Variants in WWTR1 observed in about 807,000 individuals in gnomAD.
The protein encoded by WWTR1 is WW domain-containing transcription regulator protein 1.
Under a neutral mutation model 40.1 loss-of-function variants are expected in WWTR1, and 13 were observed. The observed-to-expected ratio is 0.32, with a 90% CI of 0.21 to 0.52. WWTR1 has a LOEUF of 0.52. WWTR1 is among the 20% of genes least tolerant of loss of function. WWTR1 has a pLI of 0.97. For missense variants in WWTR1, 436 were observed against 523.1 expected (o/e 0.83, Z 1.63); for synonymous variants, 230 against 210.1 (o/e 1.09, Z -0.82).
chr3:149,658,265 T>A (rs1002558128), upstream of WWTR1: 2 of 152,394 alleles, frequency 1.3e-5, no homozygotes, highest in African/African-American at 2.4e-5. Flanking sequence ...CGCGGACCTC[T>A]CCCGCTCAGA....
intron 3 of WWTR1, among the ~76,000 whole-genome samples, chr3:149,571,924 C>T (rs911800721): frequency 1.1e-4 from 16 of 152,070 alleles, no homozygotes; most frequent in Non-Finnish European, 1.9e-4. Context: ...TGACTGGTTC[C>T]GTTGCTGCAG....
chr3:149,610,414 C>T (rs2108066350), intron 2 of WWTR1, among the ~76,000 whole-genome samples: 1 of 152,324 alleles, frequency 6.6e-6, no homozygotes, highest in Non-Finnish European at 1.5e-5. Context: ...AAGGGTGTCT[C>T]TGTTCACTTA....
At chr3:149,536,467 A>G (rs1237186142) in intron 4 of WWTR1, among the ~76,000 whole-genome samples, 2 of 146,912 alleles carry the variant, frequency 1.4e-5, no homozygotes, top group South Asian at 2.1e-4. Flanking sequence ...TATTCTTTGC[A>G]TGACAAAAAA....
chr3:149,689,786 G>A (rs954594182), intron 1 of WWTR1, among the ~76,000 whole-genome samples: 3 of 152,102 alleles, frequency 2.0e-5, no homozygotes, highest in African/African-American at 7.2e-5. Flanking sequence ...AAACTCACTG[G>A]TAATAGTGAG....
At chr3:149,534,488 G>A (rs866350724) in intron 4 of WWTR1, among the ~76,000 whole-genome samples, 3 of 152,156 alleles carry the variant, frequency 2.0e-5, no homozygotes, top group Admixed American at 1.3e-4. Flanking sequence ...TGAAACAGCC[G>A]ATTTAACTTT....
chr3:149,627,365 A>T (rs927697913), intron 2 of WWTR1, among the ~76,000 whole-genome samples: 3 of 152,152 alleles, frequency 2.0e-5, no homozygotes, highest in African/African-American at 7.2e-5. Flanking sequence ...ATCAACCCTG[A>T]ATTTATGCTG....
chr3:149,537,976 G>A (rs1167625469), intron 4 of WWTR1, among the ~76,000 whole-genome samples: 1 of 151,606 alleles, frequency 6.6e-6, no homozygotes, highest in Non-Finnish European at 1.5e-5. Context: ...CTGGAGTGCA[G>A]TGGCTCGATC....
At chr3:149,642,415 TCA>T (rs146950880) in intron 2 of WWTR1, among the ~76,000 whole-genome samples, 127 of 145,866 alleles carry the variant, frequency 8.7e-4, no homozygotes, top group African/African-American at 2.1e-3. Flanking sequence ...CAAAACTCTG[TCA>T]CACACACACA....
At chr3:149,547,066 C>T (rs1331761654) in intron 3 of WWTR1, among the ~76,000 whole-genome samples, 8 of 151,964 alleles carry the variant, frequency 5.3e-5, no homozygotes, top group Non-Finnish European at 5.9e-5. Context: ...TTAAAACCAC[C>T]GCTTTTGACA....
chr3:149,680,740 G>C (rs1025321452), intron 1 of WWTR1, among the ~76,000 whole-genome samples: 2 of 152,076 alleles, frequency 1.3e-5, no homozygotes, highest in African/African-American at 4.8e-5. Flanking sequence ...TACTCAGGAG[G>C]CTGGGGTAGG....
chr3:149,574,256 TCTCGAA>T (rs1737779145), intron 2 of WWTR1, among the ~76,000 whole-genome samples: 1 of 152,042 alleles, frequency 6.6e-6, no homozygotes, highest in African/African-American at 2.4e-5. Context: ...CCCAGGCTGG[TCTCGAA>T]CTCCTGAGCT....
At chr3:149,703,089 T>C (rs1715245363) in intron 1 of WWTR1, 1 of 152,276 alleles carries the variant, frequency 6.6e-6, no homozygotes, top group Non-Finnish European at 1.5e-5. Context: ...CACGTCTTAC[T>C]CTACAGAAAG....
chr3:149,555,499 C>T (rs7623929), intron 3 of WWTR1, among the ~76,000 whole-genome samples: 9,713 of 146,144 alleles, frequency 0.066, 804 homozygotes, highest in African/African-American at 0.19. Flanking sequence ...AAAAAAAAAA[C>T]GAAAGAAGAA....
At chr3:149,533,304 A>G (rs534215740) in intron 4 of WWTR1, among the ~76,000 whole-genome samples, 1 of 152,284 alleles carries the variant, frequency 6.6e-6, no homozygotes, top group South Asian at 2.1e-4. Flanking sequence ...ACTTTATCTT[A>G]CTGAAATCTT....
rs755442408 is a variant in WWTR1, at chr3:149,543,580, CAAA to C, written c.569-1046_569-1044del. 4.3e-3 allele frequency among the ~76,000 whole-genome samples: 135 copies of C among 31,222 alleles called. 1 individual carries two copies. Among genetic ancestry groups the C allele is most frequent in the African/African-American group, 8.5e-3 (77 of 9,022 alleles). 20.5% of individuals were successfully genotyped at this position (31,222 alleles called of 152,430 possible). The stretch of plus-strand genomic sequence containing the variant: ...CTGGTGACAAAGAAAGACTCTGTCT[CAAA>C]AAAAAAAAAAAAAAAAAAAAGAACT... On this transcript the variant is annotated intron_variant, in intron 3 of 6. Coordinates refer to ENST00000360632, the MANE Select transcript of WWTR1 (RefSeq NM_015472.6).
At chr3:149,521,054 C>G in intron 6 of WWTR1, 65 bp from the exon 7 acceptor site, 1 of 1,483,812 alleles carries the variant, frequency 6.7e-7, no homozygotes. Flanking sequence ...AGGAACAGTT[C>G]AAGTATTTAC....
upstream of WWTR1, among the ~76,000 whole-genome samples, chr3:149,659,145 G>A (rs1713446345): frequency 1.3e-5 from 2 of 152,100 alleles, no homozygotes; most frequent in Admixed American, 6.6e-5. Flanking sequence ...AAAGGGTGGG[G>A]GGAGATGGCG....
At chr3:149,627,870 T>C (rs1038602932) in intron 2 of WWTR1, among the ~76,000 whole-genome samples, 3 of 143,496 alleles carry the variant, frequency 2.1e-5, no homozygotes, top group Non-Finnish European at 4.5e-5. Context: ...GGTCGGGAGC[T>C]CGCGACTAGC....
At chr3:149,677,820 A>T (rs549842442) in intron 1 of WWTR1, among the ~76,000 whole-genome samples, 4 of 151,696 alleles carry the variant, frequency 2.6e-5, no homozygotes, top group Admixed American at 2.6e-4. Context: ...AGCCTGGGTG[A>T]CACAGCGATC....
Sources: gnomAD v4.1 joint callset for allele counts (sites outside exome capture counted in the v4.1 genomes callset) on GRCh38, gnomAD v4.1.1 for gene constraint, MANE v1.5 for transcripts, NCBI Gene and HGNC (gene_info 2026-07-23, HGNC 2026-07-21) for gene names.